The following MOSPD2 variants were observed in gnomAD, a reference collection of about 807,000 sequenced individuals.
MOSPD2 encodes the protein motile sperm domain-containing protein 2.
MOSPD2 carries 5 observed loss-of-function variants against 41.7 expected under a neutral mutation model. The observed-to-expected ratio is 0.12, with a 90% CI of 0.06 to 0.25. The LOEUF (loss-of-function observed/expected upper bound fraction) is 0.25. MOSPD2 is among the 10% of genes least tolerant of loss of function. The pLI is 1.00. For missense variants in MOSPD2, 282 were observed against 375.2 expected, an observed-to-expected ratio of 0.75 and a Z score of 2.05; for synonymous variants, 115 against 126.9, an observed-to-expected ratio of 0.91 and a Z score of 0.63.
chrX:14,878,640 C>A (rs1490753371), intron 2 of MOSPD2, among the ~76,000 whole-genome samples: 2 of 111,277 alleles, frequency 1.8e-5, no homozygotes, highest in Non-Finnish European at 3.8e-5. Context: ...GTGGTTTTTG[C>A]CATTAAAAGT....
intron 5 of MOSPD2, among the ~76,000 whole-genome samples, chrX:14,898,467 A>T (rs925464992): frequency 1.8e-5 from 2 of 111,716 alleles, no homozygotes; most frequent in Admixed American, 9.5e-5. Context: ...AGGACCACAA[A>T]TTTTTTTCAT....
At chrX:14,918,579 C>G in intron 13 of MOSPD2, 101 bp from the exon 14 acceptor site, 1 of 541,411 alleles carries the variant, frequency 1.8e-6, no homozygotes, top group Non-Finnish European at 3.0e-6. Context: ...ACTTTTACCT[C>G]TGTTACATAG....
intron 2 of MOSPD2, among the ~76,000 whole-genome samples, chrX:14,886,180 C>T (rs2092540818): frequency 9.0e-6 from 1 of 111,238 alleles, no homozygotes; most frequent in Non-Finnish European, 1.9e-5. Flanking sequence ...GGTTTACATT[C>T]TCCCATTTGA....
chrX:14,914,414 A>T, intron 10 of MOSPD2, 89 bp from the exon 11 acceptor site: 1 of 552,146 alleles, frequency 1.8e-6, no homozygotes, highest in Non-Finnish European at 3.0e-6. Context: ...AGCATAAGAT[A>T]TTAACTAAAT....
chrX:14,907,969 A>G (rs1160301497), intron 7 of MOSPD2, among the ~76,000 whole-genome samples: 3 of 112,329 alleles, frequency 2.7e-5, no homozygotes, highest in Non-Finnish European at 3.8e-5. Context: ...TGTTATGTAA[A>G]AAACTTATAG....
At chrX:14,897,340 T>A in intron 5 of MOSPD2, 102 bp downstream of exon 5, 3 of 635,693 alleles carry the variant, frequency 4.7e-6, no homozygotes, top group Non-Finnish European at 7.1e-6. Context: ...TTGAGGTAAC[T>A]AACTTATATT....
Position 14,892,877 on chromosome X carries a change from T to C in MOSPD2, c.234T>C (p.Asn78=). 1 of 1,194,737 alleles carries C rather than the reference T, an allele frequency of 8.4e-7. No individual in the cohort carries two copies. Among genetic ancestry groups the C allele is most frequent in the Non-Finnish European group, 1.1e-6 (1 of 881,601 alleles). Residue 78 remains asparagine, a splice_region_variant and synonymous_variant, in exon 3 of 15, where the codon AAT becomes AAC. Coordinates refer to ENST00000380492, the MANE Select transcript of MOSPD2 (RefSeq NM_152581.4). ...SFQWRKEISV[N]DLNESSIPRW... ...AGTGGAGGAAAGAAATTTCTGTCAATGGTAAGCTGTTCAATTTAACCTTGA... is the reference window on the plus strand; with the variant it reads ...AGTGGAGGAAAGAAATTTCTGTCAACGGTAAGCTGTTCAATTTAACCTTGA...
In MOSPD2 at chrX:14,917,955, T is replaced by G. The variant is rs756874201; in HGVS notation, c.1317-725T>G. On this transcript the variant is annotated intron_variant, in intron 13 of 14. Transcript: ENST00000380492. ...TGCGGGGAACCAAAGCAGGGGAGAT[T>G]AGCCTTAGTCCGGAGGAGGGAGAAG... Among the ~76,000 whole-genome samples the G allele has an allele frequency of 1.0e-2, 1,120 of 112,010 alleles. 6 individuals carry two copies. Among genetic ancestry groups the G allele is most frequent in the Non-Finnish European group, 0.017 (918 of 53,143 alleles).
chrX:14,891,227 G>A (rs1303637131), intron 2 of MOSPD2, among the ~76,000 whole-genome samples: 1 of 112,012 alleles, frequency 8.9e-6, no homozygotes, highest in East Asian at 2.8e-4. Context: ...ATGGAATAGG[G>A]AGCATTTGAA....
Position 14,912,281 on chromosome X carries a change from A to G in MOSPD2, c.912A>G (p.Glu304=), listed in dbSNP as rs760419020. The G allele has an allele frequency of 3.3e-6, 4 of 1,194,114 alleles. No individual in the cohort carries two copies. Among genetic ancestry groups the G allele is most frequent in the Non-Finnish European group, 4.5e-6 (4 of 888,196 alleles). The change falls in exon 10 of 15, where the codon GAA becomes GAG. Residue 304 remains glutamate (E), a synonymous_variant. Coordinates refer to ENST00000380492, the MANE Select transcript of MOSPD2 (RefSeq NM_152581.4). The part of the protein sequence containing the change: ...INPTESTSKA[E]ENEKVDSKVK... ...CAACCGAATCTACTTCCAAAGCAGA[A>G]GAAAATGAAAAAGTTGATTCAAAAG...
chrX:14,912,379 T>C lies in MOSPD2; in HGVS notation c.992+18T>C. The C allele has an allele frequency of 1.0e-6, 1 of 992,795 alleles. No homozygotes were observed. The highest frequency in any genetic ancestry group is 1.4e-6 in the Non-Finnish European group (1 of 736,845). 81.8% of individuals were successfully genotyped at this position (992,795 alleles called of 1,213,427 possible). A position where few individuals can be genotyped will look rare whatever the true frequency, so the allele number is the denominator to read the frequency against. ...CACATCAGGTAATCGTCAAAGATTT[T>C]ATTAGCTATAATTTTATAACATATC... On this transcript the variant is annotated intron_variant, in intron 10 of 14. Coordinates refer to ENST00000380492, the MANE Select transcript of MOSPD2 (RefSeq NM_152581.4).
chrX:14,918,565 G>A (rs1377480389), intron 13 of MOSPD2, 115 bp from the exon 14 acceptor site: 5 of 484,382 alleles, frequency 1.0e-5, no homozygotes, highest in Non-Finnish European at 1.7e-5. Flanking sequence ...GAAGAGGAAT[G>A]AGGACTTTTA....
chrX:14,917,426 A>AGATCATCCC (rs1244387640), intron 13 of MOSPD2, among the ~76,000 whole-genome samples: 1 of 111,817 alleles, frequency 8.9e-6, no homozygotes, highest in Admixed American at 9.4e-5. Flanking sequence ...GTAGGATATC[A>AGATCATCCC]GATCATCCCT....
At chrX:14,912,129 G>A (rs2092592815) in intron 9 of MOSPD2, 120 bp from the exon 10 acceptor site, 1 of 364,321 alleles carries the variant, frequency 2.7e-6, no homozygotes, top group Non-Finnish European at 4.6e-6. Context: ...GACTCTTAAG[G>A]GAAGGACCAT....
intron 10 of MOSPD2, among the ~76,000 whole-genome samples, chrX:14,914,249 ACT>A (rs200594867): frequency 0.024 from 2,694 of 111,299 alleles, 84 homozygotes; most frequent in African/African-American, 0.081. Context: ...AGCCTTCATA[ACT>A]CTCTCTTCTG....
At chrX:14,908,623 A>G (rs1473143277) in intron 7 of MOSPD2, among the ~76,000 whole-genome samples, 1 of 111,916 alleles carries the variant, frequency 8.9e-6, no homozygotes, top group Non-Finnish European at 1.9e-5. Flanking sequence ...TTATTAATGA[A>G]CATCAGGGTA....
intron 6 of MOSPD2, among the ~76,000 whole-genome samples, 175 bp downstream of exon 6, chrX:14,900,810 A>G (rs373010992): frequency 8.9e-6 from 1 of 111,823 alleles, no homozygotes; most frequent in Non-Finnish European, 1.9e-5. Context: ...AAAGTTTTTC[A>G]TAAGTATTCA....
intron 11 of MOSPD2, chrX:14,915,350 A>G (rs1232395794): frequency 8.8e-6 from 1 of 113,529 alleles, no homozygotes. Context: ...GTTAGTGGGG[A>G]AAAAATACCT....
intron 10 of MOSPD2, among the ~76,000 whole-genome samples, chrX:14,913,313 T>C (rs192088281): frequency 8.9e-5 from 10 of 111,921 alleles, no homozygotes; most frequent in African/African-American, 3.2e-4. Context: ...TTGCCTGTAA[T>C]TGTAGAGGTA....
Sources: gnomAD v4.1 joint callset for allele counts (sites outside exome capture counted in the v4.1 genomes callset) on GRCh38, gnomAD v4.1.1 for gene constraint, MANE v1.5 for transcripts, NCBI Gene and HGNC (gene_info 2026-07-23, HGNC 2026-07-21) for gene names.